Variants in SOX5 observed in about 807,000 individuals in gnomAD.
The protein encoded by SOX5 is SRY-box transcription factor 5, also known as transcription factor SOX-5.
SOX5 carries 9 observed loss-of-function variants against 92.0 expected under a neutral mutation model. That is an observed-to-expected ratio of 0.10 (90% CI 0.06 to 0.17). The LOEUF (loss-of-function observed/expected upper bound fraction) is 0.17. Among genes scored for constraint, SOX5 ranks in the 10% least tolerant of loss-of-function variants. SOX5 has a pLI of 1.00. For synonymous variants in SOX5, 344 were observed against 336.3 expected (o/e 1.02, Z -0.25); for missense variants, 642 against 944.5 (o/e 0.68, Z 4.20).
intron 11 of SOX5, among the ~76,000 whole-genome samples, chr12:23,559,614 C>A (rs1238898214): frequency 6.6e-6 from 1 of 152,098 alleles, no homozygotes; most frequent in Non-Finnish European, 1.5e-5. Flanking sequence ...TTTCACTGTC[C>A]AATTACAGCT....
At chr12:24,376,689 CCTTTTTTTTTTTTTTTTTTTTTT>C (rs1957303099) in intron 1 of SOX5, among the ~76,000 whole-genome samples, 3 of 93,110 alleles carry the variant, frequency 3.2e-5, no homozygotes, top group Non-Finnish European at 4.2e-5. Context: ...GGGAGAGATA[CCTTTTTTTTTTTTTTTTTTTTTT>C]TTTTTTTTTT....
At chr12:24,210,700 C>T (rs1009721926) in intron 4 of SOX5, among the ~76,000 whole-genome samples, 2 of 152,010 alleles carry the variant, frequency 1.3e-5, no homozygotes, top group African/African-American at 2.4e-5. Context: ...AGCCAAAAAC[C>T]GTAATTCAAA....
chr12:23,891,113 T>C (rs1039770570), intron 2 of SOX5, among the ~76,000 whole-genome samples: 6 of 152,350 alleles, frequency 3.9e-5, no homozygotes, highest in African/African-American at 1.2e-4. Context: ...TATATGTATA[T>C]AGTGTGCTTA....
At chr12:23,816,223 T>G (rs566322767) in intron 3 of SOX5, among the ~76,000 whole-genome samples, 16,126 of 151,116 alleles carry the variant, frequency 0.11, 1,067 homozygotes, top group Non-Finnish European at 0.15. Flanking sequence ...TTTTTTTTTT[T>G]TTGTTGGATG....
At chr12:24,447,676 C>T (rs192818000) in intron 1 of SOX5, among the ~76,000 whole-genome samples, 2 of 152,264 alleles carry the variant, frequency 1.3e-5, no homozygotes, top group Admixed American at 1.3e-4. Context: ...TAGTAACTGT[C>T]TATACTATCT....
In SOX5 at chr12:24,393,854, G is replaced by T. The variant is rs79388775; in HGVS notation, c.-250-25215C>A. ...TACCTCTTTCTTCAAAAGTTTAAAA[G>T]AGAATAGCAAAAGAGAAAAGACTAA... On this transcript the variant is annotated intron_variant, in intron 1 of 4. Transcript: ENST00000446891. The surrounding 1 kb of genome is among the most constrained non-coding windows in gnomAD (Gnocchi z 5.0). Among the ~76,000 whole-genome samples, 1 of 152,124 alleles carries T rather than the reference G, an allele frequency of 6.6e-6. No individual in the cohort carries two copies. The highest frequency in any genetic ancestry group is 1.5e-5 in the Non-Finnish European group (1 of 68,018).
intron 6 of SOX5, among the ~76,000 whole-genome samples, chr12:23,674,179 C>A (rs1437753916): frequency 6.6e-6 from 1 of 151,924 alleles, no homozygotes. Context: ...GTTTTGGGAA[C>A]TTACACATGA....
intron 9 of SOX5, among the ~76,000 whole-genome samples, chr12:23,603,444 A>ATATATATATATATATATATAT (rs1566225034): frequency 3.2e-5 from 2 of 61,798 alleles, no homozygotes; most frequent in South Asian, 6.6e-4. Flanking sequence ...TATATATATA[A>ATATATATATATATATATATAT]AATATATATA....
chr12:24,185,196 A>G (rs1955892918), intron 4 of SOX5, among the ~76,000 whole-genome samples: 1 of 152,120 alleles, frequency 6.6e-6, no homozygotes, highest in Non-Finnish European at 1.5e-5. Context: ...ACTCTTCTGT[A>G]TGCTTACAGA....
At chr12:23,788,278 T>G (rs1222139418) in intron 3 of SOX5, among the ~76,000 whole-genome samples, 2 of 152,014 alleles carry the variant, frequency 1.3e-5, no homozygotes, top group Non-Finnish European at 2.9e-5. Flanking sequence ...GTACAATTGC[T>G]AGGGCATCCT....
intron 1 of SOX5, among the ~76,000 whole-genome samples, chr12:24,487,564 T>C (rs1037211210): frequency 5.9e-5 from 9 of 152,202 alleles, no homozygotes; most frequent in African/African-American, 2.2e-4. Flanking sequence ...ATTATTTGAA[T>C]ATGTTAAATA....
chr12:24,408,993 A>G (rs1175621570), intron 1 of SOX5, among the ~76,000 whole-genome samples: 4 of 152,200 alleles, frequency 2.6e-5, no homozygotes, highest in Non-Finnish European at 5.9e-5. Context: ...CCCCCAAAAT[A>G]TAAATCATTC....
chr12:24,109,885 G>C (rs1440042163), intron 4 of SOX5, among the ~76,000 whole-genome samples: 1 of 152,150 alleles, frequency 6.6e-6, no homozygotes, highest in African/African-American at 2.4e-5. Context: ...GACAGAAGCA[G>C]AGTCTTTGCA....
intron 1 of SOX5, among the ~76,000 whole-genome samples, chr12:24,400,269 TA>T: frequency 6.6e-6 from 1 of 152,382 alleles, no homozygotes; most frequent in East Asian, 1.9e-4. Flanking sequence ...AATTAGTTTT[TA>T]AATTTTTTCA....
chr12:24,294,173 A>G (rs1946932798), intron 2 of SOX5, among the ~76,000 whole-genome samples: 1 of 152,184 alleles, frequency 6.6e-6, no homozygotes, highest in South Asian at 2.1e-4. Context: ...CTTCATGTAA[A>G]TAATGCTTAA....
At chr12:24,030,412 T>C (rs1955367859) in intron 4 of SOX5, among the ~76,000 whole-genome samples, 1 of 151,910 alleles carries the variant, frequency 6.6e-6, no homozygotes, top group African/African-American at 2.4e-5. Context: ...CAACTGACTT[T>C]TGACAGAAGT....
At chr12:23,915,533 T>C (rs1191259508) in intron 1 of SOX5, among the ~76,000 whole-genome samples, 1 of 152,192 alleles carries the variant, frequency 6.6e-6, no homozygotes, top group Non-Finnish European at 1.5e-5. Context: ...TGAAGCATCC[T>C]GGGCCTTCAA....
At chr12:23,655,040 T>G (rs1192408118) in intron 7 of SOX5, among the ~76,000 whole-genome samples, 1 of 152,082 alleles carries the variant, frequency 6.6e-6, no homozygotes, top group African/African-American at 2.4e-5. Context: ...CTATTTAATT[T>G]AATAGTTACC....
At chr12:24,471,214 T>C (rs1490652181) in intron 1 of SOX5, among the ~76,000 whole-genome samples, 8 of 152,176 alleles carry the variant, frequency 5.3e-5, no homozygotes, top group Admixed American at 5.2e-4. Flanking sequence ...CCTTCTTTCC[T>C]TTTAAATATA....
Sources: allele counts gnomAD v4.1 joint callset (sites outside exome capture counted in the v4.1 genomes callset), GRCh38; gene constraint gnomAD v4.1.1; non-coding constraint Gnocchi (gnomAD v3.1); transcripts MANE v1.5; gene names NCBI Gene and HGNC (gene_info 2026-07-23, HGNC 2026-07-21).